The following SHISA6 variants were observed in gnomAD, a reference collection of about 807,000 sequenced individuals.
SHISA6 encodes the protein shisa family member 6.
SHISA6 carries 22 observed loss-of-function variants against 47.9 expected under a neutral mutation model. The observed-to-expected ratio is 0.46, with a 90% confidence interval of 0.33 to 0.66. SHISA6 has a LOEUF of 0.66. SHISA6 is among the 30% of genes least tolerant of loss of function. The pLI is 0.02. For missense variants in SHISA6, 680 were observed against 764.6 expected (o/e 0.89, Z 1.30); for synonymous variants, 388 against 337.8 (o/e 1.15, Z -1.63).
chr17:11,496,748 G>GAA (rs111418769), intron 3 of SHISA6, among the ~76,000 whole-genome samples: 12,275 of 127,664 alleles, frequency 0.096, 707 homozygotes, highest in East Asian at 0.35. Flanking sequence ...CAAAAAAAAA[G>GAA]AAAAAAAAAA....
intron 3 of SHISA6, among the ~76,000 whole-genome samples, chr17:11,488,080 G>A (rs964754561): frequency 1.3e-5 from 2 of 152,184 alleles, no homozygotes; most frequent in Admixed American, 1.3e-4. Context: ...GGAGCATTAC[G>A]TTTCCAACGG....
At chr17:11,283,285 T>C (rs763111197) in intron 2 of SHISA6, among the ~76,000 whole-genome samples, 8 of 152,360 alleles carry the variant, frequency 5.3e-5, no homozygotes, top group Non-Finnish European at 1.0e-4. Context: ...TATGAATCTA[T>C]TGAAGAAGAA....
chr17:11,318,603 A>C (rs968303269), intron 2 of SHISA6, among the ~76,000 whole-genome samples: 3 of 152,198 alleles, frequency 2.0e-5, no homozygotes, highest in Admixed American at 6.5e-5. Flanking sequence ...AGAACTGCAA[A>C]TGTGCATTTT....
At chr17:11,540,146 C>T (rs768413706) in intron 3 of SHISA6, among the ~76,000 whole-genome samples, 25 of 152,326 alleles carry the variant, frequency 1.6e-4, no homozygotes, top group Non-Finnish European at 3.4e-4. Context: ...TTGGAGTACA[C>T]TAACGTAGCA....
chr17:11,556,998 A>G (rs2071986929), intron 5 of SHISA6, among the ~76,000 whole-genome samples: 1 of 152,152 alleles, frequency 6.6e-6, no homozygotes, highest in Non-Finnish European at 1.5e-5. Flanking sequence ...GGCCTGCTGG[A>G]TAGAGAGAAA....
chr17:11,307,046 C>T (rs1417892199), intron 2 of SHISA6, among the ~76,000 whole-genome samples: 2 of 152,058 alleles, frequency 1.3e-5, no homozygotes, highest in East Asian at 3.8e-4. Flanking sequence ...TCTCGCAACC[C>T]CCCAGTGGAA....
chr17:11,394,598 C>T (rs150883582), intron 3 of SHISA6, among the ~76,000 whole-genome samples: 2 of 152,262 alleles, frequency 1.3e-5, no homozygotes, highest in African/African-American at 4.8e-5. Context: ...CAATTCTGCA[C>T]CTCCCCCATG....
intron 2 of SHISA6, among the ~76,000 whole-genome samples, chr17:11,292,236 G>T (rs1240954778): frequency 6.6e-6 from 1 of 151,854 alleles, no homozygotes. Context: ...TTAGGTTCTG[G>T]TGGTTAGGGC....
chr17:11,246,227 A>T (rs896326230), intron 1 of SHISA6, among the ~76,000 whole-genome samples: 7 of 152,044 alleles, frequency 4.6e-5, no homozygotes, highest in Non-Finnish European at 1.0e-4. Context: ...GCGGTGGCTC[A>T]CGCCTGTAAT....
intron 2 of SHISA6, among the ~76,000 whole-genome samples, chr17:11,307,075 A>G (rs1296285457): frequency 3.3e-5 from 5 of 151,690 alleles, no homozygotes; most frequent in African/African-American, 1.2e-4. Context: ...TTTCTTCTAT[A>G]TCTCTTTGCA....
chr17:11,477,792 G>A (rs1359305921), intron 3 of SHISA6, among the ~76,000 whole-genome samples: 2 of 150,894 alleles, frequency 1.3e-5, no homozygotes, highest in Non-Finnish European at 3.0e-5. Flanking sequence ...GTGTATATGT[G>A]CCACATTTTC....
chr17:11,457,591 A>G (rs79774236), intron 3 of SHISA6, among the ~76,000 whole-genome samples: 1 of 132,698 alleles, frequency 7.5e-6, no homozygotes, highest in East Asian at 2.2e-4. Context: ...AAAAAAAAAA[A>G]TTAGTTGGGT....
intron 3 of SHISA6, among the ~76,000 whole-genome samples, chr17:11,504,488 A>G (rs2071481793): frequency 6.6e-6 from 1 of 152,206 alleles, no homozygotes; most frequent in Non-Finnish European, 1.5e-5. Context: ...AGGTTTTGAC[A>G]TGATCCTATT....
intron 2 of SHISA6, among the ~76,000 whole-genome samples, chr17:11,337,252 C>T (rs1373166392): frequency 1.3e-5 from 2 of 152,106 alleles, no homozygotes; most frequent in South Asian, 2.1e-4. Context: ...AAAAGCCAGT[C>T]GTGCGATACA....
At position 11,404,992 on chromosome 17, in the gene SHISA6, C is replaced by T. The variant is rs116870197; in HGVS notation, c.895+25483C>T. On this transcript the variant is annotated intron_variant, in intron 3 of 5. Coordinates refer to ENST00000441885, the MANE Select transcript of SHISA6 (RefSeq NM_207386.4). ...GCACAAGAGCAATCTTACCCAAAAT[C>T]CCTTCATCTTGGGCCCTCTGTTCAA... Among the ~76,000 whole-genome samples, 138 of 152,224 alleles carry T rather than the reference C, an allele frequency of 9.1e-4. 3 individuals are homozygous for T. The East Asian group carries it at 0.019, about 21-fold the overall frequency.
At chr17:11,333,047 G>C (rs1262041464) in intron 2 of SHISA6, among the ~76,000 whole-genome samples, 1 of 152,186 alleles carries the variant, frequency 6.6e-6, no homozygotes, top group Non-Finnish European at 1.5e-5. Context: ...CTGCCTTTTG[G>C]TGTGCATGCC....
At chr17:11,442,250 T>C (rs750334472) in intron 3 of SHISA6, among the ~76,000 whole-genome samples, 1 of 152,000 alleles carries the variant, frequency 6.6e-6, no homozygotes, top group Non-Finnish European at 1.5e-5. Context: ...TGTAAGTGAA[T>C]GCTGGGCTGC....
At chr17:11,413,338 T>C (rs144691823) in intron 3 of SHISA6, among the ~76,000 whole-genome samples, 723 of 152,300 alleles carry the variant, frequency 4.7e-3, no homozygotes, top group Non-Finnish European at 8.3e-3. Flanking sequence ...GAACAAGATG[T>C]CTGTGTTCAC....
rs8072694 is a variant in SHISA6 at position 11,470,597 on chromosome 17, G to C, written c.896-81299G>C. Among the ~76,000 whole-genome samples the C allele has an allele frequency of 3.9e-3, 600 of 152,110 alleles. 4 individuals carry two copies. Among genetic ancestry groups the C allele is most frequent in the African/African-American group, 0.014 (567 of 41,518 alleles). ...AGCCTTCCAGGCAAGCAGGCCTCCC[G>C]TCCTCAGCCTCCACCAACAGCAGGT... is the stretch of plus-strand genomic sequence containing the variant. On this transcript the variant is annotated intron_variant, in intron 3 of 5. Transcript: ENST00000441885.
Sources: gnomAD v4.1 joint callset for allele counts (sites outside exome capture counted in the v4.1 genomes callset) on GRCh38, gnomAD v4.1.1 for gene constraint, MANE v1.5 for transcripts, NCBI Gene and HGNC (gene_info 2026-07-23, HGNC 2026-07-21) for gene names.